Variants in NBAS observed in about 807,000 individuals in gnomAD.
NBAS encodes NAG/BC035112 fusion.
A neutral mutation model predicts 302.5 loss-of-function variants in NBAS; 219 were observed. That is an observed-to-expected ratio of 0.72 (90% CI 0.65 to 0.81). NBAS has a LOEUF of 0.81. Ranked by LOEUF, NBAS falls within the 30% of genes least tolerant of loss-of-function variation. The probability of loss-of-function intolerance (pLI) is 0.00; values close to 1 mark genes in which losing one functional copy is unlikely to be tolerated. For missense variants in NBAS, 2,932 were observed against 2,841.6 expected, an observed-to-expected ratio of 1.03 and a Z score of -0.72; for synonymous variants, 1,118 against 1,021.6, an observed-to-expected ratio of 1.09 and a Z score of -1.80.
chr2:15,090,295 G>A, the NBAS span, among the ~76,000 whole-genome samples: 1 of 152,210 alleles, frequency 6.6e-6, no homozygotes. Flanking sequence ...TGTCCTCCAT[G>A]TGTGAATCAC....
At chr2:15,031,031 C>T in the NBAS span, among the ~76,000 whole-genome samples, 1 of 152,204 alleles carries the variant, frequency 6.6e-6, no homozygotes, top group African/African-American at 2.4e-5. Flanking sequence ...CACAGATTGG[C>T]TGCTATGCGC....
At chr2:15,186,069 T>C (rs1159642873) in intron 50 of NBAS, among the ~76,000 whole-genome samples, 2 of 138,732 alleles carry the variant, frequency 1.4e-5, no homozygotes, top group Non-Finnish European at 3.1e-5. Context: ...TTTCTCTCCA[T>C]ACATACATAT....
At chr2:15,234,847 G>C (rs1192227326) in intron 45 of NBAS, 100 bp from the exon 46 acceptor site, 1 of 1,214,016 alleles carries the variant, frequency 8.2e-7, no homozygotes, top group African/African-American at 1.5e-5. Flanking sequence ...CCAAATACAT[G>C]AAAAGCAGCA....
the NBAS span, among the ~76,000 whole-genome samples, chr2:15,140,269 A>G: frequency 2.5e-4 from 38 of 152,322 alleles, no homozygotes; most frequent in African/African-American, 7.9e-4. Flanking sequence ...CCACCCTTTC[A>G]GTTTTCCCAG....
the NBAS span, among the ~76,000 whole-genome samples, chr2:15,113,205 G>C: frequency 6.6e-6 from 1 of 152,000 alleles, no homozygotes; most frequent in Admixed American, 6.6e-5. Flanking sequence ...GGGGGGCCTT[G>C]AGAACAAGAA....
chr2:15,033,005 C>G, the NBAS span, among the ~76,000 whole-genome samples: 8 of 152,170 alleles, frequency 5.3e-5, no homozygotes, highest in Non-Finnish European at 7.3e-5. Context: ...ATGAGCTACC[C>G]AAAGTCTTAA....
At chr2:14,953,227 G>A in the NBAS span, among the ~76,000 whole-genome samples, 32,217 of 152,064 alleles carry the variant, frequency 0.21, 3,518 homozygotes, top group Non-Finnish European at 0.24. Flanking sequence ...ACTGGAGGGA[G>A]AGACAGAGCA....
At chr2:14,834,229 C>A in the NBAS span, among the ~76,000 whole-genome samples, 1 of 152,198 alleles carries the variant, frequency 6.6e-6, no homozygotes, top group Non-Finnish European at 1.5e-5. Flanking sequence ...ACTGCAGACA[C>A]AGCAGACTTA....
the NBAS span, among the ~76,000 whole-genome samples, chr2:14,860,248 A>G: frequency 5.6e-4 from 86 of 152,292 alleles, no homozygotes; most frequent in Non-Finnish European, 9.6e-4. Flanking sequence ...TAAATTAACT[A>G]TAGCCACTAT....
chr2:14,821,367 G>A, the NBAS span, among the ~76,000 whole-genome samples: 3 of 152,176 alleles, frequency 2.0e-5, no homozygotes, highest in African/African-American at 4.8e-5. Flanking sequence ...TCCAGAGTCT[G>A]TTATGTGACG....
rs199841358 is a variant in NBAS at position 15,536,879 on chromosome 2, C to CT, written c.514-329dup. Among the ~76,000 whole-genome samples, 1,237 of 152,320 alleles carry CT rather than the reference C, an allele frequency of 8.1e-3. 7 individuals are homozygous for CT. The highest frequency in any genetic ancestry group is 0.014 in the Non-Finnish European group (956 of 68,036). On this transcript the variant is annotated intron_variant, in intron 7 of 51. Transcript: ENST00000281513. Reference sequence around the variant, plus strand: ...TGCCACCATTCAGCCTCAAAAAACTCTAAGAGCTTGTTTAAAGATAGAAGC... The same window carrying CT: ...TGCCACCATTCAGCCTCAAAAAACTCTTAAGAGCTTGTTTAAAGATAGAAGC...
chr2:15,459,612 T>G (rs1406980033), intron 21 of NBAS, among the ~76,000 whole-genome samples: 2 of 150,964 alleles, frequency 1.3e-5, no homozygotes, highest in Non-Finnish European at 2.9e-5. Flanking sequence ...CCCAAGTAGC[T>G]GGGACTACAG....
At chr2:15,148,845 G>T in the NBAS span, among the ~76,000 whole-genome samples, 1 of 152,046 alleles carries the variant, frequency 6.6e-6, no homozygotes, top group Non-Finnish European at 1.5e-5. Context: ...TAGGTAATTG[G>T]CCTAGGAAAC....
In NBAS at chr2:15,366,631, A is replaced by G. The variant is rs2148339771; in HGVS notation, c.3766T>C (p.Tyr1256His). The change falls in exon 32 of 52, where the codon TAT becomes CAT. Residue 1256 changes from tyrosine (Y) to histidine (H), a missense_variant. Coordinates refer to ENST00000281513, the MANE Select transcript of NBAS (RefSeq NM_015909.4). ...CCCAGAAGCTTGGTGGATTGTTTAT[A>G]GCATGTGGGGGACTGGGAAATACAC... ...KECISQSPTC[Y>H]KQSTKLLGLA... 6.2e-7 allele frequency: 1 copy of G among 1,614,130 alleles called. No homozygotes were observed. Among genetic ancestry groups the G allele is most frequent in the Non-Finnish European group, 8.5e-7 (1 of 1,180,008 alleles).
chr2:14,799,293 T>G, the NBAS span, among the ~76,000 whole-genome samples: 1 of 152,078 alleles, frequency 6.6e-6, no homozygotes, highest in Admixed American at 6.5e-5. Context: ...TTGTTTTCCC[T>G]TTTGATTTCT....
At position 15,533,978 on chromosome 2, in the gene NBAS, G is replaced by A. The variant is rs541865908; in HGVS notation, c.746+565C>T. Among the ~76,000 whole-genome samples the A allele has an allele frequency of 9.9e-5, 15 of 152,174 alleles. No homozygotes were observed. In the South Asian group the frequency reaches 2.1e-3, roughly 21 times the overall value. On this transcript the variant is annotated intron_variant, in intron 9 of 51. Transcript: ENST00000281513. ...ATTTAGCTTGGCTATCCTATAAAAC[G>A]TATATGGCTTCTGTTCTCAAATAAC... is the stretch of plus-strand genomic sequence containing the variant.
At chr2:15,056,101 T>TAAAAAAA in the NBAS span, among the ~76,000 whole-genome samples, 5 of 147,504 alleles carry the variant, frequency 3.4e-5, no homozygotes, top group South Asian at 1.1e-3. Context: ...CTCCTGGAAG[T>TAAAAAAA]AAAAAAAAAA....
chr2:15,112,568 T>G, the NBAS span, among the ~76,000 whole-genome samples: 1 of 152,126 alleles, frequency 6.6e-6, no homozygotes, highest in Admixed American at 6.6e-5. Flanking sequence ...ATCACAGCAT[T>G]TACTTGAGAA....
the NBAS span, among the ~76,000 whole-genome samples, chr2:14,810,448 G>A: frequency 1.3e-5 from 2 of 152,204 alleles, no homozygotes; most frequent in Admixed American, 1.3e-4. Context: ...TTTGCCTGCT[G>A]CCATCGATGT....
Sources: gnomAD v4.1 joint callset for allele counts (sites outside exome capture counted in the v4.1 genomes callset) on GRCh38, gnomAD v4.1.1 for gene constraint, MANE v1.5 for transcripts, NCBI Gene and HGNC (gene_info 2026-07-23, HGNC 2026-07-21) for gene names.